TENM1: variants seen among roughly 807,000 people sequenced by gnomAD.
TENM1 encodes teneurin-1.
A neutral mutation model predicts 174.8 loss-of-function variants in TENM1; 35 were observed. That is an observed-to-expected ratio of 0.20 (90% CI 0.15 to 0.27). The LOEUF (loss-of-function observed/expected upper bound fraction) is 0.27. Among genes scored for constraint, TENM1 ranks in the 10% least tolerant of loss-of-function variants. The pLI is 1.00. For missense variants in TENM1, 1,633 were observed against 2,130.1 expected, an observed-to-expected ratio of 0.77 and a Z score of 4.59; for synonymous variants, 781 against 798.7, an observed-to-expected ratio of 0.98 and a Z score of 0.37.
intron 3 of TENM1, among the ~76,000 whole-genome samples, chrX:124,843,701 C>T (rs1198263984): frequency 1.8e-5 from 2 of 111,643 alleles, no homozygotes; most frequent in East Asian, 2.8e-4. Flanking sequence ...AGGAAAATTG[C>T]TGTTGTTTTA....
At chrX:124,674,362 C>T (rs761294121) in intron 5 of TENM1, among the ~76,000 whole-genome samples, 54 of 96,124 alleles carry the variant, frequency 5.6e-4, no homozygotes, top group Non-Finnish European at 1.0e-3. Context: ...TCGTATTTCT[C>T]TTTGTGTTCC....
chrX:125,185,999 T>C, the TENM1 span, among the ~76,000 whole-genome samples: 1 of 111,489 alleles, frequency 9.0e-6, no homozygotes, highest in Middle Eastern at 4.2e-3. Context: ...CCATTCCACA[T>C]AGACTCTCTC....
At chrX:124,470,372 G>A (rs1042624023) in intron 22 of TENM1, among the ~76,000 whole-genome samples, 2 of 110,836 alleles carry the variant, frequency 1.8e-5, no homozygotes, top group South Asian at 3.8e-4. Flanking sequence ...TAATCTATAT[G>A]GTATGGTTTC....
intron 6 of TENM1, among the ~76,000 whole-genome samples, chrX:124,656,453 T>C (rs917619625): frequency 7.1e-5 from 8 of 112,390 alleles, no homozygotes; most frequent in African/African-American, 2.6e-4. Flanking sequence ...TCATTACAGC[T>C]AAGACAAGGT....
chrX:124,451,907 T>A (rs1300918999), intron 23 of TENM1, among the ~76,000 whole-genome samples: 1 of 111,516 alleles, frequency 9.0e-6, no homozygotes, highest in Non-Finnish European at 1.9e-5. Context: ...TAGACCTAAA[T>A]CCATAAAAAC....
the TENM1 span, among the ~76,000 whole-genome samples, chrX:125,160,992 T>G: frequency 2.9e-5 from 3 of 103,324 alleles, no homozygotes; most frequent in African/African-American, 1.1e-4. Context: ...TACATAAATA[T>G]TCATAGCAAT....
chrX:125,055,423 G>C, the TENM1 span, among the ~76,000 whole-genome samples: 81 of 110,988 alleles, frequency 7.3e-4, no homozygotes, highest in African/African-American at 2.7e-3. Flanking sequence ...TTATATATTT[G>C]ATTGCCCTGA....
chrX:124,726,248 T>C (rs780410327), intron 4 of TENM1, among the ~76,000 whole-genome samples: 9 of 112,512 alleles, frequency 8.0e-5, no homozygotes, highest in African/African-American at 2.6e-4. Context: ...TGTTTGCCTA[T>C]GGTTTTATTT....
the TENM1 span, among the ~76,000 whole-genome samples, chrX:125,160,840 G>A: frequency 2.7e-5 from 3 of 109,487 alleles, no homozygotes; most frequent in African/African-American, 1.0e-4. Context: ...ATTGTTGATG[G>A]GAATGCAAAA....
chrX:125,060,902 A>G, the TENM1 span, among the ~76,000 whole-genome samples: 1 of 111,242 alleles, frequency 9.0e-6, no homozygotes, highest in East Asian at 2.8e-4. Flanking sequence ...CCAGATACTA[A>G]GATAATAAAA....
At chrX:124,479,660 T>C (rs1471634449) in intron 22 of TENM1, among the ~76,000 whole-genome samples, 1 of 111,551 alleles carries the variant, frequency 9.0e-6, no homozygotes, top group African/African-American at 3.3e-5. Context: ...TCATTCTCTG[T>C]GTGGCAGGTT....
At chrX:124,649,174 C>G (rs1470690196) in intron 8 of TENM1, among the ~76,000 whole-genome samples, 1 of 112,344 alleles carries the variant, frequency 8.9e-6, no homozygotes, top group Non-Finnish European at 1.9e-5. Flanking sequence ...AGAATTACTT[C>G]CTAGAGTCCA....
At chrX:124,565,064 C>A (rs1284031733) in intron 12 of TENM1, among the ~76,000 whole-genome samples, 1 of 112,132 alleles carries the variant, frequency 8.9e-6, no homozygotes, top group Admixed American at 9.5e-5. Flanking sequence ...TACAAAAGCA[C>A]TTTTCTTATT....
At chrX:125,110,139 A>G in the TENM1 span, among the ~76,000 whole-genome samples, 9 of 111,637 alleles carry the variant, frequency 8.1e-5, no homozygotes, top group South Asian at 3.0e-3. Context: ...ATCTCATTCA[A>G]TCCTAGCAAG....
chrX:124,808,929 A>G (rs183511115), intron 3 of TENM1, among the ~76,000 whole-genome samples: 14 of 112,123 alleles, frequency 1.2e-4, no homozygotes, highest in African/African-American at 4.2e-4. Flanking sequence ...AGGAATTGGA[A>G]AAACAAGAAC....
chrX:124,587,761 A>C (rs972399377), intron 11 of TENM1, among the ~76,000 whole-genome samples: 5 of 111,376 alleles, frequency 4.5e-5, no homozygotes, highest in Admixed American at 9.5e-5. Context: ...CAACCTACAA[A>C]ATGGGAGAAA....
At chrX:124,593,753 C>T (rs2049821069) in intron 11 of TENM1, among the ~76,000 whole-genome samples, 1 of 112,126 alleles carries the variant, frequency 8.9e-6, no homozygotes, top group African/African-American at 3.2e-5. Context: ...AGACCAGATG[C>T]AGGTTGCCAA....
the TENM1 span, among the ~76,000 whole-genome samples, chrX:125,140,662 T>C: frequency 8.9e-6 from 1 of 112,544 alleles, no homozygotes; most frequent in Non-Finnish European, 1.9e-5. Context: ...CTAAGTACCC[T>C]GACTTGTGTA....
the TENM1 span, among the ~76,000 whole-genome samples, chrX:125,152,431 T>C: frequency 8.0e-5 from 9 of 112,102 alleles, no homozygotes; most frequent in Admixed American, 1.9e-4. Context: ...ATATGAATTA[T>C]AGAAATTTTG....
Sources: gnomAD v4.1 joint callset for allele counts (sites outside exome capture counted in the v4.1 genomes callset) on GRCh38, gnomAD v4.1.1 for gene constraint, MANE v1.5 for transcripts, NCBI Gene and HGNC (gene_info 2026-07-23, HGNC 2026-07-21) for gene names.